The following TTC7B variants were observed in gnomAD, a reference collection of about 807,000 sequenced individuals.
TTC7B encodes tetratricopeptide repeat domain 7B, also known as tetratricopeptide repeat protein 7B.
In TTC7B, 28 loss-of-function variants were observed where a neutral mutation model predicts 106.8. The ratio of observed to expected loss-of-function variants is 0.26; its 90% CI spans 0.19 to 0.36. The LOEUF (loss-of-function observed/expected upper bound fraction) is 0.36, where lower values mean the gene tolerates loss of function less well. Ranked by LOEUF, TTC7B falls within the 10% of genes least tolerant of loss-of-function variation. The pLI, the probability that TTC7B is intolerant of heterozygous loss-of-function variation, is 1.00. For missense variants in TTC7B, 862 were observed against 1,076.4 expected, an observed-to-expected ratio of 0.80 and a Z score of 2.79; for synonymous variants, 405 against 430.6, an observed-to-expected ratio of 0.94 and a Z score of 0.74.
At chr14:90,699,333 T>G in intron 5 of TTC7B, 1 of 405,158 alleles carries the variant, frequency 2.5e-6, no homozygotes, top group Non-Finnish European at 4.8e-6. Context: ...CATTTCAGCT[T>G]GTAATGAGTG....
chr14:90,684,049 A>G (rs1401420018), intron 7 of TTC7B, among the ~76,000 whole-genome samples: 1 of 151,920 alleles, frequency 6.6e-6, no homozygotes, highest in African/African-American at 2.4e-5. Flanking sequence ...CAGCATTCCC[A>G]TCCTTACCAA....
chr14:90,633,306 C>G (rs980097440), intron 15 of TTC7B, among the ~76,000 whole-genome samples: 3 of 152,148 alleles, frequency 2.0e-5, no homozygotes, highest in Non-Finnish European at 4.4e-5. Context: ...AGTATATGTT[C>G]TATTTAAATA....
At chr14:90,698,719 C>T (rs1742101) in intron 5 of TTC7B, 25,822 of 154,206 alleles carry the variant, frequency 0.17, 2,897 homozygotes, top group East Asian at 0.47. Flanking sequence ...CCCAACAGCT[C>T]GGCTGGGACC....
intron 15 of TTC7B, among the ~76,000 whole-genome samples, chr14:90,621,920 C>A (rs757482573): frequency 2.0e-5 from 3 of 152,116 alleles, no homozygotes; most frequent in Non-Finnish European, 4.4e-5. Context: ...GATCAGCATT[C>A]ATTTGCTACA....
rs559618655 is a variant in TTC7B, at chr14:90,774,903, C to T, written c.445+5835G>A. On this transcript the variant is annotated intron_variant, in intron 3 of 19. Transcript: ENST00000328459. ...AAGAATATAAAAACAATTAGCCAGG[C>T]GTGGTTGCACGCACCTGTAATCCCA... Among the ~76,000 whole-genome samples, 45 of 152,220 alleles carry T rather than the reference C, an allele frequency of 3.0e-4. No homozygotes were observed. The East Asian group carries it at 5.6e-3, about 19-fold the overall frequency.
Position 90,805,032 on chromosome 14 carries a change from C to A in TTC7B, c.121+11143G>T, listed in dbSNP as rs1165436685. ...CCAGCAAGCCAGGACTCACCCGGAG[C>A]CCCAGGCAGGCAGGGCTACACAGCC... On this transcript the variant is annotated intron_variant, in intron 1 of 19. Transcript: ENST00000328459. The surrounding 1 kb of genome is among the most constrained non-coding windows in gnomAD (Gnocchi z 4.0). 1.3e-5 allele frequency among the ~76,000 whole-genome samples: 2 copies of A among 152,140 alleles called. No individual in the cohort carries two copies. The highest frequency in any genetic ancestry group is 2.9e-5 in the Non-Finnish European group (2 of 68,020).
rs1396419638 is a variant in TTC7B, at chr14:90,624,184, A to T, written c.1752-6139T>A. On this transcript the variant is annotated intron_variant, in intron 15 of 19. Coordinates refer to ENST00000328459, the MANE Select transcript of TTC7B (RefSeq NM_001010854.2). This position sits in a 1 kb window ranked among gnomAD's most constrained non-coding sequence, Gnocchi z 4.0. ...GGTGCACATAAAATCTGGTTTTTTG[A>T]AGGACCTCGTTAATCAAAGTTTTAC... Among the ~76,000 whole-genome samples the T allele has an allele frequency of 6.6e-6, 1 of 152,210 alleles. No individual in the cohort carries two copies. Among genetic ancestry groups the T allele is most frequent in the Non-Finnish European group, 1.5e-5 (1 of 68,032 alleles).
intron 5 of TTC7B, among the ~76,000 whole-genome samples, chr14:90,717,060 C>T (rs529128980): frequency 2.2e-4 from 33 of 152,178 alleles, no homozygotes; most frequent in Non-Finnish European, 4.0e-4. Flanking sequence ...AATAATCCAG[C>T]CAGGCGTGGT....
chr14:90,807,129 C>A lies in TTC7B; in HGVS notation c.121+9046G>T, dbSNP rs1427848451. 6.6e-6 allele frequency among the ~76,000 whole-genome samples: 1 copy of A among 152,130 alleles called. No individual in the cohort carries two copies. Among genetic ancestry groups the A allele is most frequent in the Admixed American group, 6.5e-5 (1 of 15,278 alleles). Reference sequence around the variant, plus strand: ...CTGAGGGAGCTTCTGGGACTCAGGACTTTGGATGCTACAACCAGAAAAGTC... The same window carrying A: ...CTGAGGGAGCTTCTGGGACTCAGGAATTTGGATGCTACAACCAGAAAAGTC... On this transcript the variant is annotated intron_variant, in intron 1 of 19. Transcript: ENST00000328459. The surrounding 1 kb of genome is among the most constrained non-coding windows in gnomAD (Gnocchi z 4.1).
chr14:90,663,178 C>T lies in TTC7B; in HGVS notation c.1153-4791G>A, dbSNP rs1886274575. On this transcript the variant is annotated intron_variant, in intron 9 of 19. Coordinates refer to ENST00000328459, the MANE Select transcript of TTC7B (RefSeq NM_001010854.2). This position sits in a 1 kb window ranked among gnomAD's most constrained non-coding sequence, Gnocchi z 4.5. ...GCAGGTAGGCCCCTTTATCATCGTC[C>T]ATTTGCAGGTGAGGAAACTGAGATG... Among the ~76,000 whole-genome samples, 3 of 152,162 alleles carry T rather than the reference C, an allele frequency of 2.0e-5. No homozygotes were observed. The highest frequency in any genetic ancestry group is 4.4e-5 in the Non-Finnish European group (3 of 68,040).
chr14:90,633,055 G>A (rs529887001), intron 15 of TTC7B, among the ~76,000 whole-genome samples: 1 of 152,288 alleles, frequency 6.6e-6, no homozygotes, highest in African/African-American at 2.4e-5. Context: ...CTGAGGCCAC[G>A]GACAGAAGTG....
intron 1 of TTC7B, among the ~76,000 whole-genome samples, chr14:90,795,644 G>A (rs961380601): frequency 4.6e-5 from 7 of 152,312 alleles, no homozygotes; most frequent in African/African-American, 1.7e-4. Flanking sequence ...GGTATCATGA[G>A]GATTAGAGAT....
At chr14:90,765,645 G>A (rs1261940905) in intron 3 of TTC7B, among the ~76,000 whole-genome samples, 1 of 152,114 alleles carries the variant, frequency 6.6e-6, no homozygotes, top group Non-Finnish European at 1.5e-5. Context: ...CAATTTCCAG[G>A]GGAAAGCTTG....
chr14:90,544,388 T>C (rs1244621818), intron 19 of TTC7B, among the ~76,000 whole-genome samples: 1 of 152,194 alleles, frequency 6.6e-6, no homozygotes, highest in African/African-American at 2.4e-5. Context: ...CGAGGGTAGC[T>C]GGCCACTGCA....
intron 4 of TTC7B, among the ~76,000 whole-genome samples, chr14:90,738,843 C>T (rs1354059444): frequency 6.6e-6 from 1 of 152,024 alleles, no homozygotes; most frequent in South Asian, 2.1e-4. Flanking sequence ...CTGGGCAACA[C>T]AGAGAGACCT....
intron 5 of TTC7B, among the ~76,000 whole-genome samples, chr14:90,727,536 AG>A (rs1375515664): frequency 2.0e-5 from 3 of 152,242 alleles, no homozygotes; most frequent in African/African-American, 7.2e-5. Flanking sequence ...ACACATCAGA[AG>A]GGGCTTAGGA....
rs2182135 is a variant in TTC7B at position 90,668,687 on chromosome 14, G to T, written c.1152+7836C>A. Reference sequence around the variant, plus strand: ...CAGGTTCAGCGAGGTAATGGAATCTGTTCAAGTTCATATTCAGCATGTAAA... The same window carrying T: ...CAGGTTCAGCGAGGTAATGGAATCTTTTCAAGTTCATATTCAGCATGTAAA... On this transcript the variant is annotated intron_variant, in intron 9 of 19. Coordinates refer to ENST00000328459, the MANE Select transcript of TTC7B (RefSeq NM_001010854.2). Among the ~76,000 whole-genome samples the T allele has an allele frequency of 2.1e-3, 315 of 152,166 alleles. 6 individuals carry two copies. The East Asian group carries it at 0.041, about 20-fold the overall frequency.
rs750526426 is a variant in TTC7B, at chr14:90,742,118, G to A, written c.576+2674C>T. Reference sequence around the variant, plus strand: ...TGCAGTGGTACAATCATAGCTCACTGCAACCTCGAACTTCTGGGCTCAAGC... The same window carrying A: ...TGCAGTGGTACAATCATAGCTCACTACAACCTCGAACTTCTGGGCTCAAGC... On this transcript the variant is annotated intron_variant, in intron 4 of 19. Transcript: ENST00000328459. The surrounding 1 kb of genome is among the most constrained non-coding windows in gnomAD (Gnocchi z 4.1). Among the ~76,000 whole-genome samples the A allele has an allele frequency of 3.3e-5, 5 of 151,924 alleles. No homozygotes were observed. Among genetic ancestry groups the A allele is most frequent in the African/African-American group, 4.8e-5 (2 of 41,362 alleles).
intron 3 of TTC7B, among the ~76,000 whole-genome samples, chr14:90,768,782 A>C (rs1385912537): frequency 6.6e-6 from 1 of 152,236 alleles, no homozygotes; most frequent in East Asian, 1.9e-4. Flanking sequence ...TCTCAATAAA[A>C]GTGAATACAT....
Sources: allele counts gnomAD v4.1 joint callset (sites outside exome capture counted in the v4.1 genomes callset), GRCh38; gene constraint gnomAD v4.1.1; non-coding constraint Gnocchi (gnomAD v3.1); transcripts MANE v1.5; gene names NCBI Gene and HGNC (gene_info 2026-07-23, HGNC 2026-07-21).